ZNF667: variants seen among roughly 807,000 people sequenced by gnomAD.
ZNF667 encodes myocardial ischemic preconditioning upregulated 1 ortholog.
Under a neutral mutation model 31.8 loss-of-function variants are expected in ZNF667, and 13 were observed. The observed-to-expected ratio is 0.41, with a 90% CI of 0.27 to 0.65. The LOEUF (loss-of-function observed/expected upper bound fraction) is 0.65. ZNF667 is among the 30% of genes least tolerant of loss of function. ZNF667 has a pLI of 0.32. For missense variants in ZNF667, 642 were observed against 725.6 expected (o/e 0.88, Z 1.32); for synonymous variants, 228 against 247.1 (o/e 0.92, Z 0.73).
chr19:56,465,122 C>T (rs757136447), intron 3 of ZNF667, among the ~76,000 whole-genome samples: 3 of 152,200 alleles, frequency 2.0e-5, no homozygotes, highest in Admixed American at 6.5e-5. Flanking sequence ...TTCCAGCACA[C>T]GCCTCCAAAG....
In ZNF667 at chr19:56,440,518, A is replaced by G. The variant is rs546647881; in HGVS notation, c.*644T>C. On this transcript the variant is annotated 3_prime_UTR_variant, in exon 7 of 7. Transcript: ENST00000504904. ...AATTCTAGATCTGAGAAACAGACTC[A>G]AATTCTTTTTTCTGTGACCTTAAAT... 2.3e-6 allele frequency: 2 copies of G among 878,930 alleles called. No individual in the cohort carries two copies. Among genetic ancestry groups the G allele is most frequent in the Non-Finnish European group, 2.7e-6 (2 of 732,764 alleles). 54.4% of individuals were successfully genotyped at this position (878,930 alleles called of 1,614,324 possible).
Position 56,460,807 on chromosome 19 carries a change from T to C in ZNF667, c.42A>G (p.Ile14Met), listed in dbSNP as rs151038518. Residue 14 changes from isoleucine (I) to methionine (M), a missense_variant, in exon 5 of 7, where the codon ATA (isoleucine) becomes ATG (methionine). Ile to Met is a conservative substitution (Grantham distance 10). Transcript: ENST00000504904. ...AGTAGATGGCTAAGTCCCCAAATGT[T>C]ATAGGTGCCTGAAATGAAAAATCAA... ...ARGKSKSKAP[I>M]TFGDLAIYFS... 2,329 of 1,593,292 alleles carry C rather than the reference T, an allele frequency of 1.5e-3. 6 individuals are homozygous for C. The highest frequency in any genetic ancestry group is 1.8e-3 in the Non-Finnish European group (2,064 of 1,171,844).
intron 6 of ZNF667, among the ~76,000 whole-genome samples, chr19:56,455,047 G>A (rs1426028390): frequency 2.6e-5 from 4 of 151,992 alleles, no homozygotes; most frequent in South Asian, 2.1e-4. Flanking sequence ...AAAGACATAC[G>A]TACACATGGC....
rs1568831776 is a variant in ZNF667, at chr19:56,441,870, C to T, written c.1125G>A (p.Leu375=). The T allele has an allele frequency of 1.2e-6, 2 of 1,614,088 alleles. No individual in the cohort carries two copies. Among genetic ancestry groups the T allele is most frequent in the Non-Finnish European group, 8.5e-7 (1 of 1,180,020 alleles). The change falls in exon 7 of 7, where the codon CTG becomes CTA. Residue 375 remains leucine, a synonymous_variant. Coordinates refer to ENST00000504904, the MANE Select transcript of ZNF667 (RefSeq NM_001321356.2). The surrounding 1 kb of genome is among the most constrained non-coding windows in gnomAD (Gnocchi z 4.2). ...TTTCTCCATTATGAATTCTTAGATGCAGAATAAGGGTTGAAAGCCGCCTGA... is the reference window on the plus strand; with the variant it reads ...TTTCTCCATTATGAATTCTTAGATGTAGAATAAGGGTTGAAAGCCGCCTGA... ...KFFRRLSTLI[L]HLRIHNGEKL...
rs1380364946 is a variant in ZNF667 at position 56,442,166 on chromosome 19, C to T, written c.829G>A (p.Gly277Arg). 3 of 1,613,360 alleles carry T rather than the reference C, an allele frequency of 1.9e-6. No homozygotes were observed. In the Admixed American group the frequency reaches 5.0e-5, roughly 27 times the overall value. ...SLLLHKKIHNGKKTHKYNKCG... is the reference protein window; with the variant it reads ...SLLLHKKIHNRKKTHKYNKCG... ...TTATTATATTTATGTGTTTTCTTTC[C>T]ATTGTGAATTTTCTTATGAAGTAAA... Residue 277 changes from glycine to arginine, a missense_variant, in exon 7 of 7, where the codon GGA becomes AGA. Gly to Arg is a moderately radical substitution (Grantham distance 125, BLOSUM62 -2). Coordinates refer to ENST00000504904, the MANE Select transcript of ZNF667 (RefSeq NM_001321356.2).
At chr19:56,475,602 A>G (rs1219699384) in intron 1 of ZNF667, 1 of 152,024 alleles carries the variant, frequency 6.6e-6, no homozygotes, top group African/African-American at 2.4e-5. Flanking sequence ...AACATCCTAT[A>G]ATACATAGAA....
At chr19:56,463,864 C>T (rs1217514769) in intron 3 of ZNF667, among the ~76,000 whole-genome samples, 2 of 151,974 alleles carry the variant, frequency 1.3e-5, no homozygotes, top group Non-Finnish European at 2.9e-5. Flanking sequence ...ACTATTAAAA[C>T]AATAATAAAA....
chr19:56,442,438 G>C lies in ZNF667; in HGVS notation c.557C>G (p.Ser186Cys), dbSNP rs1346720316. The C allele has an allele frequency of 6.2e-7, 1 of 1,614,066 alleles. No homozygotes were observed. The highest frequency in any genetic ancestry group is 2.2e-5 in the East Asian group (1 of 44,876). Residue 186 changes from serine to cysteine, a missense_variant, in exon 7 of 7, where the codon TCC becomes TGC. By Grantham distance (112) the Ser-to-Cys change is moderately radical (BLOSUM62 -1). Transcript: ENST00000504904. ...NCRKAFRQISSILLHQRIHSG... is the reference protein window; with the variant it reads ...NCRKAFRQISCILLHQRIHSG... ...GTGAATTCTCTGATGAAGTAGGATG[G>C]ATGAGATCTGTCTGAAAGCTTTTCT... is the stretch of plus-strand genomic sequence containing the variant.
chr19:56,467,146 G>T, intron 3 of ZNF667: 1 of 431,010 alleles, frequency 2.3e-6, no homozygotes, highest in Non-Finnish European at 4.6e-6. Flanking sequence ...GTGCCATGCC[G>T]GCCACATCAT....
At chr19:56,460,511 TA>T (rs1364056282) in intron 5 of ZNF667, among the ~76,000 whole-genome samples, 177 bp downstream of exon 5, 4 of 152,194 alleles carry the variant, frequency 2.6e-5, no homozygotes, top group African/African-American at 9.7e-5. Flanking sequence ...AATACACTAT[TA>T]TAAAAACCAT....
Position 56,460,703 on chromosome 19 carries a change from T to C in ZNF667, c.146A>G (p.Asn49Ser), listed in dbSNP as rs752594203. The change falls in exon 5 of 7, where the codon AAC (asparagine) becomes AGC (serine). Residue 49 changes from asparagine to serine, a missense_variant. Asn to Ser is a conservative substitution (Grantham distance 46, BLOSUM62 1). Coordinates refer to ENST00000504904, the MANE Select transcript of ZNF667 (RefSeq NM_001321356.2). Reference protein sequence around the residue: ...YEDVMLENYRNLVSLGLSFRR... With the variant: ...YEDVMLENYRSLVSLGLSFRR... ...AAGAGCCTTACCAAGCGAGACCAGGTTCCGGTAATTCTCCAACATGACATC... is the reference window on the plus strand; with the variant it reads ...AAGAGCCTTACCAAGCGAGACCAGGCTCCGGTAATTCTCCAACATGACATC... 5.6e-6 allele frequency: 9 copies of C among 1,611,988 alleles called. No homozygotes were observed. The highest frequency in any genetic ancestry group is 1.3e-5 in the African/African-American group (1 of 74,912).
rs1429848354 is a variant in ZNF667, at chr19:56,471,994, T to G, written c.-355A>C. 1.3e-5 allele frequency: 2 copies of G among 152,200 alleles called. No individual in the cohort carries two copies. Among genetic ancestry groups the G allele is most frequent in the African/African-American group, 2.4e-5 (1 of 41,452 alleles). The allele number at this position is 152,200 out of a possible 1,614,324, so 9.4% of individuals were successfully genotyped here. ...TTCTCATGGCAGTGAGTAAGTCTCA[T>G]GTGATCTGATGGTTCTGTACAGGGA... On this transcript the variant is annotated 5_prime_UTR_variant, in exon 3 of 7. An upstream start codon of the reference 5' UTR is lost. Transcript: ENST00000504904.
chr19:56,441,011 T>A lies in ZNF667; in HGVS notation c.*151A>T. 1 of 1,429,984 alleles carries A rather than the reference T, an allele frequency of 7.0e-7. No homozygotes were observed. The highest frequency in any genetic ancestry group is 1.4e-5 in the African/African-American group (1 of 70,190). The allele number at this position is 1,429,984 out of a possible 1,614,324, so 88.6% of individuals were successfully genotyped here. ...CTTCAGTTAATTTCAAATCCTGAGGTCAAAATCACCAATGACTTTTGCTCT... is the reference window on the plus strand; with the variant it reads ...CTTCAGTTAATTTCAAATCCTGAGGACAAAATCACCAATGACTTTTGCTCT... On this transcript the variant is annotated 3_prime_UTR_variant, in exon 7 of 7. Transcript: ENST00000504904. The surrounding 1 kb of genome is among the most constrained non-coding windows in gnomAD (Gnocchi z 4.2).
At position 56,440,541 on chromosome 19, in the gene ZNF667, A is replaced by C; in HGVS notation, c.*621T>G. ...TCAAATTCTTTTTTCTGTGACCTTA[A>C]ATCAGGCTCAGAGCCCTATAATGGA... On this transcript the variant is annotated 3_prime_UTR_variant, in exon 7 of 7. Transcript: ENST00000504904. The C allele has an allele frequency of 3.1e-6, 3 of 952,396 alleles. No individual in the cohort carries two copies. The highest frequency in any genetic ancestry group is 3.8e-6 in the Non-Finnish European group (3 of 799,794). 59.0% of individuals were successfully genotyped at this position (952,396 alleles called of 1,614,324 possible).
At chr19:56,453,447 A>G (rs1215244691) in intron 6 of ZNF667, among the ~76,000 whole-genome samples, 6 of 152,246 alleles carry the variant, frequency 3.9e-5, no homozygotes, top group African/African-American at 1.2e-4. Context: ...AGAATCCTCA[A>G]CAAAATACTA....
At chr19:56,469,895 T>A (rs773203229) in intron 3 of ZNF667, 1 of 480,336 alleles carries the variant, frequency 2.1e-6, no homozygotes, top group East Asian at 5.9e-5. Context: ...CAACACTTTT[T>A]CAAGGAGCCT....
intron 6 of ZNF667, among the ~76,000 whole-genome samples, chr19:56,450,508 C>T (rs774060245): frequency 2.6e-5 from 4 of 151,990 alleles, no homozygotes; most frequent in Non-Finnish European, 4.4e-5. Context: ...ATGCTAATGA[C>T]GAATAAAAAG....
chr19:56,447,767 G>T (rs1004034699), intron 6 of ZNF667, among the ~76,000 whole-genome samples: 6 of 152,076 alleles, frequency 3.9e-5, no homozygotes, highest in African/African-American at 1.4e-4. Context: ...TGTAATCCCG[G>T]CTACTCAGGA....
At chr19:56,442,812 T>G in intron 6 of ZNF667, 71 bp from the exon 7 acceptor site, 1 of 1,457,786 alleles carries the variant, frequency 6.9e-7, no homozygotes, top group Non-Finnish European at 9.0e-7. Context: ...ACAATATAAA[T>G]GTAATTATCA....
Sources: gnomAD v4.1 joint callset for allele counts (sites outside exome capture counted in the v4.1 genomes callset) on GRCh38, gnomAD v4.1.1 for gene constraint, Gnocchi (gnomAD v3.1) non-coding constraint, MANE v1.5 for transcripts, NCBI Gene and HGNC (gene_info 2026-07-23, HGNC 2026-07-21) for gene names.